NLGN1: variants seen among roughly 807,000 people sequenced by gnomAD.
The protein encoded by NLGN1 is neuroligin-1.
NLGN1 carries 12 observed loss-of-function variants against 65.5 expected under a neutral mutation model. The ratio of observed to expected loss-of-function variants is 0.18; its 90% CI spans 0.12 to 0.30. The LOEUF (loss-of-function observed/expected upper bound fraction) is 0.30, where lower values mean the gene tolerates loss of function less well. Among genes scored for constraint, NLGN1 ranks in the 10% least tolerant of loss-of-function variants. NLGN1 has a pLI of 1.00. For missense variants in NLGN1, 750 were observed against 1,007.1 expected (o/e 0.74, Z 3.46); for synonymous variants, 350 against 359.5 (o/e 0.97, Z 0.30).
chr3:173,785,200 C>G (rs1303198797), intron 3 of NLGN1, among the ~76,000 whole-genome samples: 4 of 152,202 alleles, frequency 2.6e-5, no homozygotes, highest in African/African-American at 7.2e-5. Flanking sequence ...CCTTGTTTCC[C>G]AGGCCACAGA....
chr3:173,995,419 A>G lies in NLGN1; in HGVS notation c.646+187587A>G, dbSNP rs371902326. Among the ~76,000 whole-genome samples the G allele has an allele frequency of 2.6e-5, 4 of 152,194 alleles. No individual in the cohort carries two copies. In the East Asian group the frequency reaches 7.7e-4, roughly 29 times the overall value. The stretch of plus-strand genomic sequence containing the variant: ...AAATCCAGCTGCATAAAGGGGGAGT[A>G]AATGAATCTCTATGAATCCTAATCC... On this transcript the variant is annotated intron_variant, in intron 4 of 6. Transcript: ENST00000457714.
In NLGN1 at chr3:174,026,792, A is replaced by G. The variant is rs539228871; in HGVS notation, c.646+218960A>G. Among the ~76,000 whole-genome samples the G allele has an allele frequency of 2.2e-3, 334 of 152,324 alleles. 1 individual carries two copies. In the Middle Eastern group the frequency reaches 0.024, roughly 11 times the overall value. ...CCAACAAGCAAACAAAACCACTTCT[A>G]TTACACAGCTTGTTAGCAGCAAAGG... On this transcript the variant is annotated intron_variant, in intron 4 of 6. Coordinates refer to ENST00000457714, the Ensembl canonical transcript of NLGN1.
chr3:174,143,184 T>C (rs987365158), intron 4 of NLGN1, among the ~76,000 whole-genome samples: 2 of 152,118 alleles, frequency 1.3e-5, no homozygotes, highest in African/African-American at 4.8e-5. Flanking sequence ...TCCCAGAGAA[T>C]AGGAGAGGAC....
intron 4 of NLGN1, among the ~76,000 whole-genome samples, chr3:174,269,050 T>G (rs555279672): frequency 2.6e-5 from 4 of 151,898 alleles, no homozygotes; most frequent in Non-Finnish European, 5.9e-5. Context: ...GACAGTAACC[T>G]TCAAGGGAAC....
At chr3:173,469,107 A>C (rs73036278) in intron 2 of NLGN1, among the ~76,000 whole-genome samples, 4,669 of 152,258 alleles carry the variant, frequency 0.031, 228 homozygotes, top group African/African-American at 0.11. Context: ...TTAAAGCAAC[A>C]CTACTTATTT....
At chr3:174,174,911 A>G (rs1729174102) in intron 4 of NLGN1, among the ~76,000 whole-genome samples, 1 of 151,876 alleles carries the variant, frequency 6.6e-6, no homozygotes, top group Admixed American at 6.6e-5. Flanking sequence ...TTGACCCCCA[A>G]TCATTCAGAA....
At chr3:174,187,867 T>C (rs1000707744) in intron 4 of NLGN1, among the ~76,000 whole-genome samples, 10 of 151,904 alleles carry the variant, frequency 6.6e-5, no homozygotes, top group African/African-American at 2.4e-4. Context: ...TGTGGGTTTG[T>C]TGGGAGGGTG....
At chr3:173,923,732 T>C (rs1742493877) in intron 4 of NLGN1, among the ~76,000 whole-genome samples, 1 of 152,186 alleles carries the variant, frequency 6.6e-6, no homozygotes. Flanking sequence ...TTGGTGATTG[T>C]ATTTAGAAAA....
rs181818325 is a variant in NLGN1, at chr3:174,173,835, A to T, written c.647-101480A>T. Among the ~76,000 whole-genome samples the T allele has an allele frequency of 8.9e-4, 135 of 151,836 alleles. No individual in the cohort carries two copies. The Middle Eastern group carries it at 0.014, about 15-fold the overall frequency. On this transcript the variant is annotated intron_variant, in intron 4 of 6. Transcript: ENST00000457714. Reference sequence around the variant, plus strand: ...CTAATTTCTTTCTTTCTTTCTTTTTAATTTCCAAAGCTTATTGGGGAACAG... The same window carrying T: ...CTAATTTCTTTCTTTCTTTCTTTTTTATTTCCAAAGCTTATTGGGGAACAG...
intron 4 of NLGN1, among the ~76,000 whole-genome samples, chr3:174,215,505 T>G (rs2152799457): frequency 6.6e-6 from 1 of 152,314 alleles, no homozygotes; most frequent in South Asian, 2.1e-4. Flanking sequence ...ATTTGCATAT[T>G]AGTAGCATAA....
chr3:173,558,260 G>A (rs1742034851), intron 2 of NLGN1, among the ~76,000 whole-genome samples: 1 of 151,770 alleles, frequency 6.6e-6, no homozygotes, highest in Admixed American at 6.6e-5. Flanking sequence ...TATACCATTG[G>A]TTTTCATCAC....
At chr3:173,927,740 C>T (rs963467412) in intron 4 of NLGN1, among the ~76,000 whole-genome samples, 10 of 150,654 alleles carry the variant, frequency 6.6e-5, no homozygotes, top group East Asian at 3.9e-4. Flanking sequence ...CACACACACA[C>T]GTACACACAG....
chr3:174,136,882 T>G (rs1721319849), intron 4 of NLGN1, among the ~76,000 whole-genome samples: 1 of 152,134 alleles, frequency 6.6e-6, no homozygotes, highest in Non-Finnish European at 1.5e-5. Flanking sequence ...TGACTAATGA[T>G]GGGGTTGCAT....
intron 4 of NLGN1, among the ~76,000 whole-genome samples, chr3:173,825,726 A>G (rs958087554): frequency 6.6e-6 from 1 of 152,082 alleles, no homozygotes; most frequent in African/African-American, 2.4e-5. Flanking sequence ...TAAAATAACT[A>G]TATTCATCAT....
intron 4 of NLGN1, among the ~76,000 whole-genome samples, chr3:174,184,939 C>T (rs1428785658): frequency 3.9e-5 from 6 of 152,048 alleles, no homozygotes; most frequent in Admixed American, 2.0e-4. Flanking sequence ...ATGTTGCACT[C>T]TTCAGATTCA....
At chr3:174,230,193 A>G (rs1561341935) in intron 4 of NLGN1, among the ~76,000 whole-genome samples, 1 of 152,202 alleles carries the variant, frequency 6.6e-6, no homozygotes, top group Non-Finnish European at 1.5e-5. Context: ...GAGAGGAATT[A>G]CAAAATTGAA....
At chr3:174,247,105 A>G (rs1040877609) in intron 4 of NLGN1, among the ~76,000 whole-genome samples, 1 of 152,202 alleles carries the variant, frequency 6.6e-6, no homozygotes, top group African/African-American at 2.4e-5. Flanking sequence ...GCTCATTTCT[A>G]CCTATCTTAG....
At chr3:173,539,202 A>G (rs964172249) in intron 2 of NLGN1, among the ~76,000 whole-genome samples, 2 of 151,698 alleles carry the variant, frequency 1.3e-5, no homozygotes, top group African/African-American at 4.8e-5. Flanking sequence ...TGTAAATCAT[A>G]CCTAGCTCTT....
At chr3:173,986,112 A>C (rs762993957) in intron 4 of NLGN1, among the ~76,000 whole-genome samples, 8 of 152,210 alleles carry the variant, frequency 5.3e-5, no homozygotes, top group Non-Finnish European at 1.2e-4. Context: ...AGTTAAGTCG[A>C]CATGAAGTCA....
Sources: allele counts gnomAD v4.1 joint callset (sites outside exome capture counted in the v4.1 genomes callset), GRCh38; gene constraint gnomAD v4.1.1; transcripts MANE v1.5; gene names NCBI Gene and HGNC (gene_info 2026-07-23, HGNC 2026-07-21).